The following CWC27 variants were observed in gnomAD, a reference collection of about 807,000 sequenced individuals.
CWC27 encodes the protein CWC27 spliceosome associated cyclophilin.
Under a neutral mutation model 63.6 loss-of-function variants are expected in CWC27, and 47 were observed. The observed-to-expected ratio is 0.74, with a 90% confidence interval of 0.58 to 0.94. The LOEUF is 0.94. CWC27 is among the 40% of genes least tolerant of loss of function. The pLI, the probability that CWC27 is intolerant of heterozygous loss-of-function variation, is 0.00. For synonymous variants in CWC27, 175 were observed against 179.8 expected, an observed-to-expected ratio of 0.97 and a Z score of 0.22; for missense variants, 495 against 554.3, an observed-to-expected ratio of 0.89 and a Z score of 1.07.
Position 64,887,671 on chromosome 5 carries a change from ATGTTT to A in CWC27, c.1042+2126_1042+2130del, listed in dbSNP as rs999528155. 5.7e-4 allele frequency among the ~76,000 whole-genome samples: 87 copies of A among 152,174 alleles called. 2 individuals are homozygous for A. The highest frequency in any genetic ancestry group is 2.0e-3 in the African/African-American group (83 of 41,440). On this transcript the variant is annotated intron_variant, in intron 11 of 13. Transcript: ENST00000381070. The stretch of plus-strand genomic sequence containing the variant: ...ATTCAAGGATTCCTAAAATTTTACT[ATGTTT>A]CCATAATGCTATGTAGTGAGAAAGC...
intron 10 of CWC27, among the ~76,000 whole-genome samples, chr5:64,882,976 A>G (rs1746982155): frequency 6.6e-6 from 1 of 152,230 alleles, no homozygotes; most frequent in African/African-American, 2.4e-5. Context: ...TAATAAAGAC[A>G]TACCCAAGAC....
chr5:64,987,720 G>A (rs1749462566), intron 13 of CWC27, among the ~76,000 whole-genome samples: 1 of 152,152 alleles, frequency 6.6e-6, no homozygotes, highest in Non-Finnish European at 1.5e-5. Flanking sequence ...AGAATTATGG[G>A]TCAACAGTTC....
chr5:64,982,846 T>C (rs950728807), intron 13 of CWC27, among the ~76,000 whole-genome samples: 4 of 152,164 alleles, frequency 2.6e-5, no homozygotes, highest in African/African-American at 7.2e-5. Context: ...TGTTAGGAAC[T>C]GAGCCGCCCA....
intron 13 of CWC27, among the ~76,000 whole-genome samples, chr5:65,007,037 A>T (rs1749860733): frequency 6.6e-6 from 1 of 152,046 alleles, no homozygotes; most frequent in African/African-American, 2.4e-5. Context: ...GAAAGAAAGG[A>T]GTAATTTTGC....
chr5:64,780,573 ATTAC>A (rs1421199225), intron 2 of CWC27, among the ~76,000 whole-genome samples: 2 of 148,266 alleles, frequency 1.3e-5, no homozygotes, highest in African/African-American at 2.4e-5. Flanking sequence ...ATATATCAAA[ATTAC>A]TTATAACTAT....
intron 13 of CWC27, among the ~76,000 whole-genome samples, chr5:65,004,412 T>C (rs1749790357): frequency 8.9e-6 from 1 of 112,108 alleles, no homozygotes; most frequent in Non-Finnish European, 1.8e-5. Flanking sequence ...GGGGGGGTGG[T>C]CTGATTTGGT....
At chr5:64,782,480 A>AAATAAATAAATAAATAAATT (rs1402439621) in intron 3 of CWC27, among the ~76,000 whole-genome samples, 1 of 151,652 alleles carries the variant, frequency 6.6e-6, no homozygotes, top group South Asian at 2.1e-4. Flanking sequence ...ATAAATAAAT[A>AAATAAATAAATAAATAAATT]AATTGTCTGT....
intron 10 of CWC27, among the ~76,000 whole-genome samples, chr5:64,846,517 T>G (rs1437079773): frequency 1.3e-5 from 2 of 152,180 alleles, no homozygotes; most frequent in Non-Finnish European, 2.9e-5. Flanking sequence ...TACTTGATTG[T>G]TTATAAGATG....
At chr5:64,984,807 T>C (rs765395236) in intron 13 of CWC27, among the ~76,000 whole-genome samples, 1 of 152,208 alleles carries the variant, frequency 6.6e-6, no homozygotes, top group Non-Finnish European at 1.5e-5. Flanking sequence ...GTCCAGTTGA[T>C]TGATTTATTT....
chr5:65,004,800 G>A (rs1168557080), intron 13 of CWC27, among the ~76,000 whole-genome samples: 1 of 143,900 alleles, frequency 6.9e-6, no homozygotes, highest in East Asian at 2.1e-4. Context: ...TATGTGCACA[G>A]CTGGTCTACC....
intron 10 of CWC27, among the ~76,000 whole-genome samples, chr5:64,819,739 A>T (rs1328257014): frequency 6.6e-6 from 1 of 152,148 alleles, no homozygotes; most frequent in African/African-American, 2.4e-5. Flanking sequence ...TAGCGTGAGA[A>T]TGGACTAATA....
intron 10 of CWC27, among the ~76,000 whole-genome samples, chr5:64,812,153 T>C (rs1419659874): frequency 6.6e-6 from 1 of 152,092 alleles, no homozygotes; most frequent in Admixed American, 6.6e-5. Context: ...TTAGGAAATT[T>C]AAAAAGATAG....
At chr5:64,790,365 G>A (rs1744033326) in intron 7 of CWC27, among the ~76,000 whole-genome samples, 1 of 152,102 alleles carries the variant, frequency 6.6e-6, no homozygotes, top group South Asian at 2.1e-4. Context: ...ATCTTCTTTA[G>A]ATGTCAGTGC....
rs148473023 is a variant in CWC27, at chr5:64,871,705, A to G, written c.939-13738A>G. 1.7e-3 allele frequency among the ~76,000 whole-genome samples: 260 copies of G among 152,194 alleles called. 1 individual carries two copies. Among genetic ancestry groups the G allele is most frequent in the African/African-American group, 5.9e-3 (247 of 41,538 alleles). ...TTGTTTAAAATATTGTTCTGGCTCT[A>G]GTTTGGGCAGGGACTTCCAGGCAAG... On this transcript the variant is annotated intron_variant, in intron 10 of 13. Transcript: ENST00000381070.
chr5:64,785,927 T>C (rs943981165), intron 5 of CWC27, among the ~76,000 whole-genome samples: 1 of 151,886 alleles, frequency 6.6e-6, no homozygotes, highest in Non-Finnish European at 1.5e-5. Context: ...CACTTTGGGA[T>C]GCTGAGGTGG....
At chr5:64,933,895 A>G (rs1430676863) in intron 11 of CWC27, among the ~76,000 whole-genome samples, 2 of 152,210 alleles carry the variant, frequency 1.3e-5, no homozygotes, top group South Asian at 4.1e-4. Flanking sequence ...ACTTTCTCTT[A>G]TATAAACATT....
At chr5:64,771,878 G>A (rs1029052506) in intron 1 of CWC27, among the ~76,000 whole-genome samples, 4 of 152,156 alleles carry the variant, frequency 2.6e-5, no homozygotes, top group Non-Finnish European at 4.4e-5. Flanking sequence ...GGTGAGCAAA[G>A]TGGCCCGATT....
In CWC27 at chr5:64,981,725, G is replaced by A. The variant is rs549957954; in HGVS notation, c.1256+4487G>A. ...GAATCCTTAAAGAGCTTTAGTGAAA[G>A]AGATTAATGTTTTAGAAGAAATGCT... is the stretch of plus-strand genomic sequence containing the variant. On this transcript the variant is annotated intron_variant, in intron 13 of 13. Coordinates refer to ENST00000381070, the MANE Select transcript of CWC27 (RefSeq NM_005869.4). 2.0e-5 allele frequency among the ~76,000 whole-genome samples: 3 copies of A among 152,322 alleles called. No homozygotes were observed. The South Asian group carries it at 6.2e-4, about 32-fold the overall frequency.
intron 11 of CWC27, among the ~76,000 whole-genome samples, chr5:64,901,413 G>A (rs544192971): frequency 1.6e-3 from 245 of 149,414 alleles, no homozygotes; most frequent in African/African-American, 5.9e-3. Flanking sequence ...AGCCGAGATG[G>A]CACCACTACA....
Sources: gnomAD v4.1 joint callset for allele counts (sites outside exome capture counted in the v4.1 genomes callset) on GRCh38, gnomAD v4.1.1 for gene constraint, MANE v1.5 for transcripts, NCBI Gene and HGNC (gene_info 2026-07-23, HGNC 2026-07-21) for gene names.